The following PTPRT variants were observed in gnomAD, a reference collection of about 807,000 sequenced individuals.
PTPRT encodes the protein protein tyrosine phosphatase receptor type T, also known as receptor-type tyrosine-protein phosphatase T.
Under a neutral mutation model 176.8 loss-of-function variants are expected in PTPRT, and 56 were observed. The observed-to-expected ratio is 0.32, with a 90% CI of 0.26 to 0.40. The LOEUF (loss-of-function observed/expected upper bound fraction) is 0.40. PTPRT is among the 10% of genes least tolerant of loss of function. PTPRT has a pLI of 1.00. For synonymous variants in PTPRT, 783 were observed against 739.0 expected (o/e 1.06, Z -0.96); for missense variants, 1,540 against 1,908.2 (o/e 0.81, Z 3.60).
chr20:42,464,132 T>C (rs1457709744), intron 8 of PTPRT, among the ~76,000 whole-genome samples: 3 of 152,160 alleles, frequency 2.0e-5, no homozygotes, highest in Non-Finnish European at 4.4e-5. Context: ...GCTTTGAATA[T>C]AGCTAAAAGA....
chr20:42,239,413 C>CT (rs35978863), intron 14 of PTPRT, among the ~76,000 whole-genome samples: 3,994 of 81,022 alleles, frequency 0.049, 251 homozygotes, highest in African/African-American at 0.12. Flanking sequence ...CATTTTCTTT[C>CT]TTTTTTTTTT....
intron 1 of PTPRT, among the ~76,000 whole-genome samples, chr20:42,941,795 T>C (rs1470072484): frequency 1.3e-5 from 2 of 152,136 alleles, no homozygotes; most frequent in African/African-American, 4.8e-5. Flanking sequence ...ATTAGCAAAA[T>C]GGAACATCCT....
rs190996599 is a variant in PTPRT, at chr20:42,504,220, T to C, written c.1154-31658A>G. On this transcript the variant is annotated intron_variant, in intron 7 of 30. Transcript: ENST00000373187. ...AAAATGTTATTGGTAATCCTAATTA[T>C]GTGTGGGCCCAAACTGTTGCACAAC... Among the ~76,000 whole-genome samples the C allele has an allele frequency of 4.5e-3, 679 of 152,264 alleles. 10 individuals carry two copies. The highest frequency in any genetic ancestry group is 0.016 in the African/African-American group (652 of 41,572).
At chr20:42,496,944 C>T (rs1327239335) in intron 7 of PTPRT, among the ~76,000 whole-genome samples, 5 of 152,082 alleles carry the variant, frequency 3.3e-5, no homozygotes, top group Non-Finnish European at 1.5e-5. Context: ...TGGGGGCAAG[C>T]AGACCACTTC....
chr20:42,296,186 G>A (rs531547926), intron 12 of PTPRT, among the ~76,000 whole-genome samples: 105 of 152,300 alleles, frequency 6.9e-4, no homozygotes, highest in African/African-American at 2.3e-3. Context: ...CCTGGCTTAC[G>A]CCTGTAATCC....
chr20:42,690,023 G>C (rs138153499), intron 6 of PTPRT, among the ~76,000 whole-genome samples: 1 of 152,276 alleles, frequency 6.6e-6, no homozygotes, highest in East Asian at 1.9e-4. Context: ...GAGGATGTTA[G>C]GGAAGGCTTC....
intron 7 of PTPRT, among the ~76,000 whole-genome samples, chr20:42,506,320 T>A (rs2071843900): frequency 6.6e-6 from 1 of 152,168 alleles, no homozygotes; most frequent in Non-Finnish European, 1.5e-5. Flanking sequence ...GTGTGACAGA[T>A]TTGGAAGCCT....
chr20:42,630,901 T>C (rs1037693818), intron 7 of PTPRT, among the ~76,000 whole-genome samples: 2 of 152,126 alleles, frequency 1.3e-5, no homozygotes, highest in Admixed American at 1.3e-4. Flanking sequence ...CCACAGATAT[T>C]CTCTGAGTGA....
Position 42,345,101 on chromosome 20 carries a change from C to T in PTPRT, c.1865+5527G>A, listed in dbSNP as rs147722094. Among the ~76,000 whole-genome samples, 276 of 152,214 alleles carry T rather than the reference C, an allele frequency of 1.8e-3. 1 individual carries two copies. Among genetic ancestry groups the T allele is most frequent in the African/African-American group, 6.3e-3 (261 of 41,532 alleles). The stretch of plus-strand genomic sequence containing the variant: ...AAACACAGGCTCATTGGCACCTTTT[C>T]TTTTTCTGATTGTCTTTCCTGTAGA... On this transcript the variant is annotated intron_variant, in intron 11 of 30. Coordinates refer to ENST00000373187, the MANE Select transcript of PTPRT (RefSeq NM_007050.6).
intron 7 of PTPRT, among the ~76,000 whole-genome samples, chr20:42,672,771 C>T (rs1459014933): frequency 2.0e-5 from 3 of 152,116 alleles, no homozygotes; most frequent in Non-Finnish European, 4.4e-5. Context: ...CTTAGTACCC[C>T]AGAATTTTCT....
chr20:42,034,115 A>G, the PTPRT span, among the ~76,000 whole-genome samples: 1 of 152,180 alleles, frequency 6.6e-6, no homozygotes, highest in African/African-American at 2.4e-5. Context: ...TCTGAGCACA[A>G]CTTAGCTGGG....
chr20:42,626,351 A>G (rs2074288718), intron 7 of PTPRT, among the ~76,000 whole-genome samples: 1 of 152,070 alleles, frequency 6.6e-6, no homozygotes, highest in Non-Finnish European at 1.5e-5. Flanking sequence ...ACTTGCACAC[A>G]TCTCCATTCT....
At chr20:42,622,694 A>C (rs1215666873) in intron 7 of PTPRT, among the ~76,000 whole-genome samples, 1 of 152,180 alleles carries the variant, frequency 6.6e-6, no homozygotes, top group African/African-American at 2.4e-5. Flanking sequence ...ATGTCGAAAT[A>C]AAAAACAAGA....
chr20:42,955,574 C>T (rs1444900841), intron 1 of PTPRT, among the ~76,000 whole-genome samples: 2 of 152,270 alleles, frequency 1.3e-5, no homozygotes, highest in Non-Finnish European at 1.5e-5. Flanking sequence ...TTTATTATAA[C>T]ATCCTTTCAC....
At chr20:42,978,249 C>T (rs1983069601) in intron 1 of PTPRT, among the ~76,000 whole-genome samples, 1 of 152,190 alleles carries the variant, frequency 6.6e-6, no homozygotes, top group Admixed American at 6.5e-5. Flanking sequence ...TAATGATATT[C>T]TGTAATCAAA....
chr20:42,275,010 A>G (rs539841171), intron 13 of PTPRT, among the ~76,000 whole-genome samples: 10 of 152,272 alleles, frequency 6.6e-5, no homozygotes, highest in African/African-American at 2.4e-4. Flanking sequence ...CTGATTTCCA[A>G]TTCTGAGGAA....
chr20:42,053,029 A>G, the PTPRT span, among the ~76,000 whole-genome samples: 1 of 152,296 alleles, frequency 6.6e-6, no homozygotes, highest in African/African-American at 2.4e-5. Flanking sequence ...AACTTAATAG[A>G]TGTGGCTGTG....
intron 1 of PTPRT, among the ~76,000 whole-genome samples, chr20:42,908,565 G>A (rs775903550): frequency 6.6e-6 from 1 of 151,860 alleles, no homozygotes; most frequent in Non-Finnish European, 1.5e-5. Context: ...ATTTTTTATA[G>A]AGAGACTAGA....
chr20:42,784,882 A>G (rs2077266587), intron 3 of PTPRT, among the ~76,000 whole-genome samples: 1 of 152,220 alleles, frequency 6.6e-6, no homozygotes, highest in African/African-American at 2.4e-5. Context: ...TCAAATTAAC[A>G]TCACCTAGAA....
Sources: gnomAD v4.1 joint callset for allele counts (sites outside exome capture counted in the v4.1 genomes callset) on GRCh38, gnomAD v4.1.1 for gene constraint, MANE v1.5 for transcripts, NCBI Gene and HGNC (gene_info 2026-07-23, HGNC 2026-07-21) for gene names.